NUDT3: variants seen among roughly 807,000 people sequenced by gnomAD.
The protein encoded by NUDT3 is diphosphoinositol polyphosphate phosphohydrolase 1.
A neutral mutation model predicts 23.6 loss-of-function variants in NUDT3; 9 were observed. The observed-to-expected ratio is 0.38, with a 90% CI of 0.23 to 0.66. NUDT3 has a LOEUF of 0.66. Among genes scored for constraint, NUDT3 ranks in the 30% least tolerant of loss-of-function variants. The pLI is 0.52. For synonymous variants in NUDT3, 86 were observed against 82.6 expected, an observed-to-expected ratio of 1.04 and a Z score of -0.22; for missense variants, 172 against 218.5, an observed-to-expected ratio of 0.79 and a Z score of 1.34.
chr6:34,312,402 A>T (rs1355111173), intron 2 of NUDT3, among the ~76,000 whole-genome samples: 5 of 135,270 alleles, frequency 3.7e-5, no homozygotes, highest in Non-Finnish European at 6.5e-5. Context: ...ACTCATCACC[A>T]AAAAAAAAAA....
At chr6:34,364,365 A>C (rs80198533) in intron 1 of NUDT3, among the ~76,000 whole-genome samples, 14,412 of 151,444 alleles carry the variant, frequency 0.095, 796 homozygotes, top group Non-Finnish European at 0.12. Flanking sequence ...GCATTATAAA[A>C]CTCCCTTATT....
intron 4 of NUDT3, among the ~76,000 whole-genome samples, chr6:34,292,837 A>G (rs1448587221): frequency 6.6e-6 from 1 of 152,194 alleles, no homozygotes; most frequent in East Asian, 1.9e-4. Flanking sequence ...CTCAATCAGT[A>G]TCTGCTCAGG....
At chr6:34,303,573 T>C (rs997715579) in intron 2 of NUDT3, among the ~76,000 whole-genome samples, 31 of 152,164 alleles carry the variant, frequency 2.0e-4, no homozygotes, top group Admixed American at 2.6e-4. Context: ...AAAAATACGA[T>C]GTTTGCTATT....
Position 34,306,397 on chromosome 6 carries a change from C to T in NUDT3, c.211-10712G>A, listed in dbSNP as rs144195977. ...AGTTACATTTGTCTAAATCCAGCAG[C>T]TGTTGGTAGTTTAACGATTGTGGAA... On this transcript the variant is annotated intron_variant, in intron 2 of 4. Transcript: ENST00000607016. Among the ~76,000 whole-genome samples, 296 of 152,316 alleles carry T rather than the reference C, an allele frequency of 1.9e-3. 3 individuals are homozygous for T. Among genetic ancestry groups the T allele is most frequent in the African/African-American group, 6.9e-3 (285 of 41,556 alleles).
At chr6:34,345,838 G>C (rs1764360252) in intron 1 of NUDT3, among the ~76,000 whole-genome samples, 1 of 151,878 alleles carries the variant, frequency 6.6e-6, no homozygotes, top group Non-Finnish European at 1.5e-5. Context: ...GCATGATCTT[G>C]GCTCACCGCA....
intron 1 of NUDT3, among the ~76,000 whole-genome samples, chr6:34,347,612 A>T (rs1764394332): frequency 6.6e-6 from 1 of 152,188 alleles, no homozygotes; most frequent in Non-Finnish European, 1.5e-5. Context: ...GGAATGATAA[A>T]CCTAATGAAG....
At chr6:34,342,449 G>C (rs1264279050) in intron 1 of NUDT3, among the ~76,000 whole-genome samples, 1 of 152,086 alleles carries the variant, frequency 6.6e-6, no homozygotes, top group African/African-American at 2.4e-5. Flanking sequence ...CTGTATCCCA[G>C]TTCCTGCTCC....
intron 1 of NUDT3, among the ~76,000 whole-genome samples, chr6:34,371,925 G>A (rs1351896250): frequency 6.6e-6 from 1 of 152,154 alleles, no homozygotes; most frequent in Non-Finnish European, 1.5e-5. Flanking sequence ...CCCGGTGTGT[G>A]ATGTTCCCCA....
intron 4 of NUDT3, among the ~76,000 whole-genome samples, chr6:34,292,683 T>C (rs1234558170): frequency 6.6e-6 from 1 of 152,166 alleles, no homozygotes; most frequent in Non-Finnish European, 1.5e-5. Flanking sequence ...CACTATTCTG[T>C]ATCTACTAAA....
chr6:34,310,702 G>A (rs1351073572), intron 2 of NUDT3, among the ~76,000 whole-genome samples: 1 of 152,246 alleles, frequency 6.6e-6, no homozygotes, highest in East Asian at 1.9e-4. Flanking sequence ...TATGAGGCCA[G>A]CGTTACCCTC....
Position 34,392,432 on chromosome 6 carries a change from CCG to C in NUDT3, c.-72_-71del. 2 of 1,223,830 alleles carry C rather than the reference CCG, an allele frequency of 1.6e-6. No homozygotes were observed. Among genetic ancestry groups the C allele is most frequent in the Non-Finnish European group, 2.3e-6 (2 of 871,652 alleles). The allele number at this position is 1,223,830 out of a possible 1,614,324, so 75.8% of individuals were successfully genotyped here. A position where few individuals can be genotyped will look rare whatever the true frequency, so the allele number is the denominator to read the frequency against. On this transcript the variant is annotated 5_prime_UTR_variant, in exon 1 of 5. Transcript: ENST00000607016. ...GGGGTGGGGAGCCCGCTCTGGACGG[CCG>C]CGTGCGCGCGCGCCCCCGGCTCGGC... is the stretch of plus-strand genomic sequence containing the variant.
At chr6:34,345,513 A>T (rs1248205116) in intron 1 of NUDT3, among the ~76,000 whole-genome samples, 1 of 151,088 alleles carries the variant, frequency 6.6e-6, no homozygotes, top group Admixed American at 6.6e-5. Context: ...AATACAAAAA[A>T]TGAACCGGGT....
chr6:34,306,199 T>A (rs4713770), intron 2 of NUDT3, among the ~76,000 whole-genome samples: 13,434 of 152,252 alleles, frequency 0.088, 1,308 homozygotes, highest in East Asian at 0.43. Flanking sequence ...ACTCTGATAA[T>A]TTTTACTTTA....
intron 2 of NUDT3, among the ~76,000 whole-genome samples, chr6:34,329,589 C>A (rs1561908955): frequency 6.6e-6 from 1 of 151,984 alleles, no homozygotes; most frequent in African/African-American, 2.4e-5. Context: ...TCAAGAACAA[C>A]CATTCTTTTG....
chr6:34,321,457 AAAT>A (rs1396165352), intron 2 of NUDT3, among the ~76,000 whole-genome samples: 1 of 151,938 alleles, frequency 6.6e-6, no homozygotes, highest in African/African-American at 2.4e-5. Flanking sequence ...AATAATAATA[AAAT>A]AATAATAATA....
chr6:34,347,697 C>T (rs527551802), intron 1 of NUDT3, among the ~76,000 whole-genome samples: 120 of 152,016 alleles, frequency 7.9e-4, no homozygotes, highest in Non-Finnish European at 1.4e-3. Context: ...CTAAATAGTG[C>T]TTAATACAAA....
intron 1 of NUDT3, among the ~76,000 whole-genome samples, chr6:34,354,035 A>G (rs2113746003): frequency 6.6e-6 from 1 of 151,792 alleles, no homozygotes; most frequent in East Asian, 2.0e-4. Context: ...CTCCTGCCTC[A>G]GTCCCCCAAG....
chr6:34,348,323 C>A (rs1194199521), intron 1 of NUDT3, among the ~76,000 whole-genome samples: 1 of 146,760 alleles, frequency 6.8e-6, no homozygotes, highest in Non-Finnish European at 1.5e-5. Context: ...CGCCCCCCAC[C>A]AAAAAAAAAA....
chr6:34,301,441 G>T (rs1561900176), intron 2 of NUDT3, among the ~76,000 whole-genome samples: 2 of 152,174 alleles, frequency 1.3e-5, no homozygotes, highest in Non-Finnish European at 2.9e-5. Flanking sequence ...TAGAAGAATG[G>T]TTTACCAGGT....
Sources: allele counts gnomAD v4.1 joint callset (sites outside exome capture counted in the v4.1 genomes callset), GRCh38; gene constraint gnomAD v4.1.1; transcripts MANE v1.5; gene names NCBI Gene and HGNC (gene_info 2026-07-23, HGNC 2026-07-21).